The following CSNK1G2 variants were observed in gnomAD, a reference collection of about 807,000 sequenced individuals.
The protein encoded by CSNK1G2 is casein kinase I isoform gamma-2.
A neutral mutation model predicts 48.0 loss-of-function variants in CSNK1G2; 11 were observed. The observed-to-expected ratio is 0.23, with a 90% CI of 0.14 to 0.38. The LOEUF (loss-of-function observed/expected upper bound fraction) is 0.38. CSNK1G2 is among the 10% of genes least tolerant of loss of function. The probability of loss-of-function intolerance (pLI) is 1.00; values close to 1 mark genes in which losing one functional copy is unlikely to be tolerated. For synonymous variants in CSNK1G2, 337 were observed against 254.1 expected (o/e 1.33, Z -3.10); for missense variants, 446 against 595.5 (o/e 0.75, Z 2.61).
intron 1 of CSNK1G2, among the ~76,000 whole-genome samples, chr19:1,964,565 C>G (rs967392703): frequency 6.6e-6 from 1 of 152,120 alleles, no homozygotes; most frequent in African/African-American, 2.4e-5. Flanking sequence ...GGGCTTTTTA[C>G]CATTCCACAA....
intron 1 of CSNK1G2, among the ~76,000 whole-genome samples, chr19:1,958,302 G>T (rs934368654): frequency 1.3e-5 from 2 of 152,046 alleles, no homozygotes; most frequent in South Asian, 2.1e-4. Context: ...CAGCGAGTGT[G>T]TATGTTAGGG....
chr19:1,977,440 CAG>C lies in CSNK1G2; in HGVS notation c.188-864_188-863del, dbSNP rs567129284. The stretch of plus-strand genomic sequence containing the variant: ...GTTAAGGGCTGGCCGCCTCCTTCCT[CAG>C]GGGGTGTAACATGTAAAAAGCTGCA... On this transcript the variant is annotated intron_variant, in intron 2 of 11. Transcript: ENST00000255641. 6.6e-5 allele frequency among the ~76,000 whole-genome samples: 10 copies of C among 152,300 alleles called. No homozygotes were observed. In the East Asian group the frequency reaches 1.5e-3, roughly 24 times the overall value.
At chr19:1,975,267 T>C in intron 2 of CSNK1G2, 3 of 985,480 alleles carry the variant, frequency 3.0e-6, no homozygotes, top group Non-Finnish European at 3.6e-6. Context: ...AGCTGGATGA[T>C]ACATCGACAG....
chr19:1,971,955 G>T (rs2015588382), intron 2 of CSNK1G2, among the ~76,000 whole-genome samples: 2 of 152,244 alleles, frequency 1.3e-5, no homozygotes, highest in South Asian at 4.1e-4. Flanking sequence ...ATTTTTAGTA[G>T]AGATGGGGTT....
At chr19:1,953,979 G>A in intron 1 of CSNK1G2, 1 of 533,974 alleles carries the variant, frequency 1.9e-6, no homozygotes, top group Non-Finnish European at 3.8e-6. Context: ...TTCTCGTGGT[G>A]ATGACAGTCG....
In CSNK1G2 at chr19:1,978,726, G is replaced by A. The variant is rs766439465; in HGVS notation, c.423G>A (p.Thr141=). Reference sequence around the variant, plus strand: ...GCGACCGGACCTTCACGCTCAAGACGGTGCTGATGATCGCCATCCAGCTGG... The same window carrying A: ...GCGACCGGACCTTCACGCTCAAGACAGTGCTGATGATCGCCATCCAGCTGG... The part of the protein sequence containing the change: ...DLCDRTFTLK[T]VLMIAIQLIT... Residue 141 remains threonine, a synonymous_variant, in exon 5 of 12, where the codon ACG becomes ACA. Transcript: ENST00000255641. The surrounding 1 kb of genome is among the most constrained non-coding windows in gnomAD (Gnocchi z 7.3). The A allele has an allele frequency of 3.8e-6, 6 of 1,597,910 alleles. No individual in the cohort carries two copies. Among genetic ancestry groups the A allele is most frequent in the Non-Finnish European group, 4.3e-6 (5 of 1,172,500 alleles).
At chr19:1,975,510 C>G in intron 2 of CSNK1G2, 1 of 985,474 alleles carries the variant, frequency 1.0e-6, no homozygotes. Context: ...CCCATCCTCC[C>G]TGTGAGCCGC....
At chr19:1,961,975 T>C (rs973646520) in intron 1 of CSNK1G2, among the ~76,000 whole-genome samples, 3 of 152,160 alleles carry the variant, frequency 2.0e-5, no homozygotes, top group African/African-American at 7.2e-5. Flanking sequence ...CCTGACCCAG[T>C]GCAGTGGAGA....
In CSNK1G2 at chr19:1,975,461, C is replaced by T. The variant is rs188695833; in HGVS notation, c.188-2844C>T. ...CGCTCTGGAGAGTCAGAACTGGAGACGGGAGGGCGTGCCTCAAGGGCAGAT... is the reference window on the plus strand; with the variant it reads ...CGCTCTGGAGAGTCAGAACTGGAGATGGGAGGGCGTGCCTCAAGGGCAGAT... On this transcript the variant is annotated intron_variant, in intron 2 of 11. Coordinates refer to ENST00000255641, the MANE Select transcript of CSNK1G2 (RefSeq NM_001319.7). The T allele has an allele frequency of 2.3e-4, 230 of 985,464 alleles. 1 individual carries two copies. The highest frequency in any genetic ancestry group is 2.7e-4 in the Non-Finnish European group (223 of 829,940). The allele number at this position is 985,464 out of a possible 1,614,324, so 61.0% of individuals were successfully genotyped here.
chr19:1,943,941 ACAGC>A (rs2014459877), intron 1 of CSNK1G2, among the ~76,000 whole-genome samples: 1 of 152,134 alleles, frequency 6.6e-6, no homozygotes, highest in African/African-American at 2.4e-5. Flanking sequence ...AGTGCCGGGC[ACAGC>A]CTGGCAGGGG....
intron 1 of CSNK1G2, among the ~76,000 whole-genome samples, chr19:1,964,502 T>C (rs891129950): frequency 6.6e-6 from 1 of 152,076 alleles, no homozygotes; most frequent in Non-Finnish European, 1.5e-5. Flanking sequence ...AGGCCCACCC[T>C]CTTCACCCTC....
At chr19:1,979,440 CCCCCCACCCCCCA>C (rs1224476629) in intron 8 of CSNK1G2, 37 bp downstream of exon 8, 19 of 1,397,644 alleles carry the variant, frequency 1.4e-5, no homozygotes, top group Middle Eastern at 2.5e-4. Context: ...GTGCCCCCCA[CCCCCCACCCCCCA>C]CCCCCACCCC....
chr19:1,967,027 G>A (rs894123963), intron 1 of CSNK1G2, among the ~76,000 whole-genome samples: 1 of 137,166 alleles, frequency 7.3e-6, no homozygotes, highest in African/African-American at 3.1e-5. Context: ...TGCACACCAC[G>A]CCCCGCTTAA....
In CSNK1G2 at chr19:1,976,742, T is replaced by C. The variant is rs986353371; in HGVS notation, c.188-1563T>C. On this transcript the variant is annotated intron_variant, in intron 2 of 11. Transcript: ENST00000255641. ...AAGTGGAGGCCTCTTTCTTGCTTTC[T>C]TTTTTTTTTTTTTTGAGACAGAGTT... Among the ~76,000 whole-genome samples, 9 of 39,320 alleles carry C rather than the reference T, an allele frequency of 2.3e-4. No individual in the cohort carries two copies. In the African/African-American group the frequency reaches 3.7e-3, roughly 16 times the overall value. The allele number at this position is 39,320 out of a possible 152,430, so 25.8% of individuals were successfully genotyped here. A position where few individuals can be genotyped will look rare whatever the true frequency, so the allele number is the denominator to read the frequency against.
intron 2 of CSNK1G2, among the ~76,000 whole-genome samples, chr19:1,970,235 C>T (rs149713896): frequency 6.2e-4 from 95 of 152,354 alleles, no homozygotes; most frequent in Admixed American, 1.8e-3. Flanking sequence ...CAGGCCACGC[C>T]GCAAGGAGCC....
At chr19:1,943,406 C>T (rs1278408932) in intron 1 of CSNK1G2, among the ~76,000 whole-genome samples, 2 of 152,228 alleles carry the variant, frequency 1.3e-5, no homozygotes, top group Non-Finnish European at 2.9e-5. Flanking sequence ...GCACTTTGTG[C>T]AGACAGATTT....
intron 2 of CSNK1G2, among the ~76,000 whole-genome samples, chr19:1,971,090 A>C (rs1448766880): frequency 2.6e-5 from 4 of 152,192 alleles, no homozygotes; most frequent in African/African-American, 4.8e-5. Flanking sequence ...CCCACCTGTT[A>C]AATGAGGATG....
At chr19:1,967,543 G>A (rs959908119) in intron 1 of CSNK1G2, among the ~76,000 whole-genome samples, 13 of 152,132 alleles carry the variant, frequency 8.5e-5, no homozygotes, top group African/African-American at 2.9e-4. Flanking sequence ...GGCTCCCGGT[G>A]CAGGGTTCTT....
intron 1 of CSNK1G2, among the ~76,000 whole-genome samples, chr19:1,952,208 G>A (rs1357653071): frequency 6.6e-6 from 1 of 152,234 alleles, no homozygotes; most frequent in Admixed American, 6.5e-5. Flanking sequence ...GTGGGTGCAG[G>A]GCTGGACGAG....
Sources: allele counts gnomAD v4.1 joint callset (sites outside exome capture counted in the v4.1 genomes callset), GRCh38; gene constraint gnomAD v4.1.1; non-coding constraint Gnocchi (gnomAD v3.1); transcripts MANE v1.5; gene names NCBI Gene and HGNC (gene_info 2026-07-23, HGNC 2026-07-21).